Variants in MAP3K2 observed in about 807,000 individuals in gnomAD.
The protein encoded by MAP3K2 is mitogen-activated protein kinase kinase kinase 2.
In MAP3K2, 24 loss-of-function variants were observed where a neutral mutation model predicts 80.3. That is an observed-to-expected ratio of 0.30 (90% CI 0.22 to 0.42). MAP3K2 has a LOEUF of 0.42. MAP3K2 is among the 10% of genes least tolerant of loss of function. MAP3K2 has a pLI of 1.00. For missense variants in MAP3K2, 608 were observed against 750.1 expected, an observed-to-expected ratio of 0.81 and a Z score of 2.21; for synonymous variants, 244 against 253.7, an observed-to-expected ratio of 0.96 and a Z score of 0.36.
chr2:127,329,106 T>C (rs1686199548), intron 7 of MAP3K2, among the ~76,000 whole-genome samples: 1 of 152,184 alleles, frequency 6.6e-6, no homozygotes, highest in Admixed American at 6.5e-5. Context: ...AAAGCCTCCT[T>C]AAACTACAGC....
intron 1 of MAP3K2, among the ~76,000 whole-genome samples, chr2:127,358,314 C>A (rs1686828385): frequency 6.6e-6 from 1 of 152,210 alleles, no homozygotes; most frequent in African/African-American, 2.4e-5. Context: ...AACTAAAATG[C>A]TCATGCACTA....
At chr2:127,319,317 C>T (rs866120450) in intron 12 of MAP3K2, among the ~76,000 whole-genome samples, 27 of 152,016 alleles carry the variant, frequency 1.8e-4, no homozygotes, top group African/African-American at 6.5e-4. Context: ...TTAGAGCACT[C>T]CTACTCCCGG....
rs190649192 is a variant in MAP3K2, at chr2:127,380,458, C to T, written c.-66+6994G>A. ...AAAAAATTCCAAAGTTTATAAACCT[C>T]GTAGTGCTTTTTAAATTTATGGTAC... On this transcript the variant is annotated intron_variant, in intron 1 of 16. Transcript: ENST00000682094. Among the ~76,000 whole-genome samples, 357 of 152,264 alleles carry T rather than the reference C, an allele frequency of 2.3e-3. 6 individuals carry two copies. Among genetic ancestry groups the T allele is most frequent in the African/African-American group, 7.7e-3 (318 of 41,544 alleles).
chr2:127,325,927 A>G (rs1232983148), intron 8 of MAP3K2, 120 bp from the exon 9 acceptor site: 7 of 676,654 alleles, frequency 1.0e-5, no homozygotes, highest in East Asian at 2.6e-5. Context: ...TTTAAAGTAT[A>G]CAAGTCAAGG....
upstream of MAP3K2, chr2:127,388,244 G>C: frequency 1.0e-6 from 1 of 978,398 alleles, no homozygotes; most frequent in Non-Finnish European, 1.2e-6. Flanking sequence ...CGGCGCATAC[G>C]CACCTGGGTT....
At chr2:127,361,855 T>C (rs563605639) in intron 1 of MAP3K2, among the ~76,000 whole-genome samples, 39 of 152,296 alleles carry the variant, frequency 2.6e-4, no homozygotes, top group African/African-American at 9.1e-4. Flanking sequence ...TCTCGGCTAT[T>C]ACAAACCCAT....
Position 127,387,620 on chromosome 2 carries a change from G to A in MAP3K2, c.-234C>T. On this transcript the variant is annotated 5_prime_UTR_variant, in exon 1 of 17. Coordinates refer to ENST00000682094, the MANE Select transcript of MAP3K2 (RefSeq NM_001371910.2). ...CGAGGAGTCGGGCGCGGGCCTTGGG[G>A]CCAGGCCCGTCCCTCTTTCACATGA... 1 of 984,970 alleles carries A rather than the reference G, an allele frequency of 1.0e-6. No homozygotes were observed. Among genetic ancestry groups the A allele is most frequent in the Non-Finnish European group, 1.2e-6 (1 of 829,744 alleles). 61.0% of individuals were successfully genotyped at this position (984,970 alleles called of 1,614,324 possible).
chr2:127,337,950 G>A (rs1054829718), intron 3 of MAP3K2, among the ~76,000 whole-genome samples, 172 bp from the exon 4 acceptor site: 2 of 152,194 alleles, frequency 1.3e-5, no homozygotes, highest in Non-Finnish European at 2.9e-5. Flanking sequence ...GATAGTGTCT[G>A]CTAAAAAGTT....
intron 1 of MAP3K2, among the ~76,000 whole-genome samples, chr2:127,382,934 T>C (rs775071273): frequency 6.6e-6 from 1 of 152,206 alleles, no homozygotes; most frequent in Non-Finnish European, 1.5e-5. Context: ...TGGTAATTTA[T>C]AAAGAAGAGA....
In MAP3K2 at chr2:127,301,624, A is replaced by C. The variant is rs570397299; in HGVS notation, c.*5955T>G. The C allele has an allele frequency of 6.6e-6, 1 of 152,250 alleles. No homozygotes were observed. The highest frequency in any genetic ancestry group is 1.5e-5 in the Non-Finnish European group (1 of 68,034). The allele number at this position is 152,250 out of a possible 1,614,324, so 9.4% of individuals were successfully genotyped here. A position where few individuals can be genotyped will look rare whatever the true frequency, so the allele number is the denominator to read the frequency against. ...ATTGTGTTACAAACAAGAAGTCATC[A>C]GGCAGAAGGAACAATGGTACTGATT... is the stretch of plus-strand genomic sequence containing the variant. On this transcript the variant is annotated 3_prime_UTR_variant, in exon 17 of 17. Coordinates refer to ENST00000682094, the MANE Select transcript of MAP3K2 (RefSeq NM_001371910.2).
At chr2:127,346,925 T>C (rs1177542273) in intron 1 of MAP3K2, among the ~76,000 whole-genome samples, 1 of 151,890 alleles carries the variant, frequency 6.6e-6, no homozygotes, top group African/African-American at 2.4e-5. Flanking sequence ...GAGGCAGAGG[T>C]TGGCAGTGAG....
chr2:127,318,448 A>G (rs1685950954), intron 12 of MAP3K2, 131 bp from the exon 13 acceptor site: 3 of 596,804 alleles, frequency 5.0e-6, no homozygotes, highest in South Asian at 1.5e-4. Flanking sequence ...AATTATGATT[A>G]TCCAAATTCA....
At chr2:127,379,777 C>T (rs1157148755) in intron 1 of MAP3K2, among the ~76,000 whole-genome samples, 2 of 152,146 alleles carry the variant, frequency 1.3e-5, no homozygotes, top group Non-Finnish European at 2.9e-5. Flanking sequence ...GTTAGGAGCA[C>T]GTATTCTAGA....
At position 127,317,331 on chromosome 2, in the gene MAP3K2, G is replaced by T. The variant is rs148632490; in HGVS notation, c.1326+298C>A. Among the ~76,000 whole-genome samples the T allele has an allele frequency of 1.6e-3, 246 of 152,254 alleles. 2 individuals carry two copies. Among genetic ancestry groups the T allele is most frequent in the African/African-American group, 5.6e-3 (234 of 41,554 alleles). On this transcript the variant is annotated intron_variant, in intron 14 of 16. Transcript: ENST00000682094. ...GGCATAACAATTAAATGTATGTATA[G>T]ACTGGAACTTGGTGTGAATATATCA...
At chr2:127,370,412 C>A (rs547728775) in intron 1 of MAP3K2, among the ~76,000 whole-genome samples, 137 of 152,334 alleles carry the variant, frequency 9.0e-4, no homozygotes, top group Non-Finnish European at 1.4e-3. Flanking sequence ...CAGATCACAA[C>A]AGAACCCTTG....
At position 127,387,533 on chromosome 2, in the gene MAP3K2, G is replaced by A; in HGVS notation, c.-147C>T. On this transcript the variant is annotated 5_prime_UTR_variant, in exon 1 of 17. Transcript: ENST00000682094. ...GAGCCCGCCCCTCCGCCCCAGCGCG[G>A]CCTGTCACCGCGGCCCCAGGTCGGG... The A allele has an allele frequency of 1.0e-6, 1 of 984,984 alleles. No individual in the cohort carries two copies. The highest frequency in any genetic ancestry group is 4.7e-5 in the South Asian group (1 of 21,284). The allele number at this position is 984,984 out of a possible 1,614,324, so 61.0% of individuals were successfully genotyped here. A position where few individuals can be genotyped will look rare whatever the true frequency, so the allele number is the denominator to read the frequency against.
At chr2:127,333,901 C>T (rs901660846) in intron 5 of MAP3K2, among the ~76,000 whole-genome samples, 1 of 152,044 alleles carries the variant, frequency 6.6e-6, no homozygotes, top group Non-Finnish European at 1.5e-5. Flanking sequence ...GAGTTTGAGA[C>T]CAGTCTGGGC....
chr2:127,385,131 G>A (rs185003272), intron 1 of MAP3K2, among the ~76,000 whole-genome samples: 1 of 152,196 alleles, frequency 6.6e-6, no homozygotes, highest in African/African-American at 2.4e-5. Flanking sequence ...ATGTTCTATG[G>A]TGAGTAAAAT....
At chr2:127,341,550 T>G (rs1439982527) in intron 2 of MAP3K2, among the ~76,000 whole-genome samples, 1 of 107,450 alleles carries the variant, frequency 9.3e-6, no homozygotes, top group Non-Finnish European at 1.9e-5. Context: ...TTTTTTTTTT[T>G]GAGACAGAGT....
Sources: gnomAD v4.1 joint callset for allele counts (sites outside exome capture counted in the v4.1 genomes callset) on GRCh38, gnomAD v4.1.1 for gene constraint, MANE v1.5 for transcripts, NCBI Gene and HGNC (gene_info 2026-07-23, HGNC 2026-07-21) for gene names.